Variants in TESK2 observed in about 807,000 individuals in gnomAD.
TESK2 encodes dual specificity testis-specific protein kinase 2.
TESK2 carries 39 observed loss-of-function variants against 57.1 expected under a neutral mutation model. The ratio of observed to expected loss-of-function variants is 0.68; its 90% CI spans 0.53 to 0.89. TESK2 has a LOEUF of 0.89. TESK2 is among the 40% of genes least tolerant of loss of function. The pLI is 0.00. For synonymous variants in TESK2, 249 were observed against 267.9 expected, an observed-to-expected ratio of 0.93 and a Z score of 0.69; for missense variants, 646 against 732.1, an observed-to-expected ratio of 0.88 and a Z score of 1.36.
chr1:45,388,769 G>A (rs1649012636), intron 3 of TESK2, among the ~76,000 whole-genome samples: 1 of 131,972 alleles, frequency 7.6e-6, no homozygotes, highest in Admixed American at 9.8e-5. Flanking sequence ...TGCCCAGGCT[G>A]GAGTGCAGTG....
At chr1:45,490,784 G>A (rs1653687560) in intron 1 of TESK2, 68 bp downstream of exon 1, 1 of 152,730 alleles carries the variant, frequency 6.5e-6, no homozygotes, top group South Asian at 2.1e-4. Context: ...CAGAGGAGGT[G>A]GAGCGGCAGC....
At chr1:45,354,398 C>T (rs1314021693) in intron 5 of TESK2, among the ~76,000 whole-genome samples, 9 of 151,548 alleles carry the variant, frequency 5.9e-5, no homozygotes, top group Admixed American at 3.3e-4. Flanking sequence ...GGCCAAGGCA[C>T]GTGGATCACC....
At chr1:45,364,937 T>C (rs1246331117) in intron 4 of TESK2, among the ~76,000 whole-genome samples, 1 of 152,216 alleles carries the variant, frequency 6.6e-6, no homozygotes, top group Non-Finnish European at 1.5e-5. Context: ...AACAGCCAAA[T>C]TAGTGGCTTG....
chr1:45,419,805 TC>T (rs1433339103), intron 3 of TESK2, among the ~76,000 whole-genome samples: 1 of 151,716 alleles, frequency 6.6e-6, no homozygotes, highest in Non-Finnish European at 1.5e-5. Context: ...AAACTCCGTC[TC>T]AAAAAAAAAG....
chr1:45,418,641 T>G (rs540696211), intron 3 of TESK2, among the ~76,000 whole-genome samples: 21 of 152,280 alleles, frequency 1.4e-4, no homozygotes, highest in African/African-American at 4.8e-4. Flanking sequence ...GATGAAATCT[T>G]TAAATAAGTA....
chr1:45,361,947 G>A (rs1647706479), intron 4 of TESK2, among the ~76,000 whole-genome samples: 1 of 152,106 alleles, frequency 6.6e-6, no homozygotes, highest in Non-Finnish European at 1.5e-5. Context: ...AGACCAGCCT[G>A]GGCAACATAG....
intron 4 of TESK2, among the ~76,000 whole-genome samples, chr1:45,360,114 G>C (rs145762925): frequency 1.2e-4 from 19 of 152,150 alleles, no homozygotes; most frequent in Non-Finnish European, 2.1e-4. Context: ...ATCCATCTTT[G>C]AAAATCTTAA....
chr1:45,467,677 G>A (rs1652609771), intron 1 of TESK2, among the ~76,000 whole-genome samples: 1 of 151,548 alleles, frequency 6.6e-6, no homozygotes, highest in South Asian at 2.1e-4. Flanking sequence ...CAACAGCTAT[G>A]TAGCATGCTT....
At chr1:45,463,566 G>A (rs916730784) in intron 1 of TESK2, among the ~76,000 whole-genome samples, 2 of 151,922 alleles carry the variant, frequency 1.3e-5, no homozygotes, top group African/African-American at 4.8e-5. Flanking sequence ...TGTTCCATCA[G>A]TCTGTGTGTC....
chr1:45,358,843 G>T (rs2149266378), intron 4 of TESK2, among the ~76,000 whole-genome samples: 1 of 152,318 alleles, frequency 6.6e-6, no homozygotes, highest in South Asian at 2.1e-4. Context: ...GGCAGACTCT[G>T]CAGTCTGGCT....
chr1:45,484,959 A>G (rs1557592094), intron 1 of TESK2, among the ~76,000 whole-genome samples: 1 of 151,488 alleles, frequency 6.6e-6, no homozygotes, highest in African/African-American at 2.4e-5. Flanking sequence ...TGAACCCGGG[A>G]GGCGGAGCTT....
intron 3 of TESK2, among the ~76,000 whole-genome samples, chr1:45,395,901 T>A (rs1038553790): frequency 6.6e-6 from 1 of 152,188 alleles, no homozygotes. Context: ...TATGACAATA[T>A]ATAAACGCTT....
chr1:45,356,605 C>G (rs375320234), intron 4 of TESK2, among the ~76,000 whole-genome samples: 1 of 132,850 alleles, frequency 7.5e-6, no homozygotes, highest in Non-Finnish European at 1.6e-5. Flanking sequence ...ATAGACAGAG[C>G]GAGACCCTGT....
intron 3 of TESK2, among the ~76,000 whole-genome samples, chr1:45,419,870 T>C (rs997103549): frequency 2.6e-5 from 4 of 152,210 alleles, no homozygotes; most frequent in African/African-American, 7.2e-5. Flanking sequence ...AAATACTGGC[T>C]GAATATTTTT....
At chr1:45,437,087 G>A (rs570380769) in intron 2 of TESK2, among the ~76,000 whole-genome samples, 4 of 152,258 alleles carry the variant, frequency 2.6e-5, no homozygotes, top group East Asian at 3.9e-4. Flanking sequence ...GAGCCGCTGC[G>A]CCTGACCCAA....
At chr1:45,400,878 C>T (rs774590939) in intron 3 of TESK2, among the ~76,000 whole-genome samples, 1 of 150,728 alleles carries the variant, frequency 6.6e-6, no homozygotes, top group Non-Finnish European at 1.5e-5. Context: ...AAAAATTAAC[C>T]GGATGTGGTG....
rs567482286 is a variant in TESK2 at position 45,346,276 on chromosome 1, T to C, written c.880-282A>G. ...GTTCTTGAGTTCTGCTCCTAATGTG[T>C]TTCTGGGAGGTATCTGAACAAAGCC... is the stretch of plus-strand genomic sequence containing the variant. On this transcript the variant is annotated intron_variant, in intron 9 of 10. Transcript: ENST00000372086. Among the ~76,000 whole-genome samples the C allele has an allele frequency of 6.6e-5, 10 of 152,324 alleles. No homozygotes were observed. The East Asian group carries it at 1.9e-3, about 29-fold the overall frequency.
chr1:45,405,296 G>A (rs1649794174), intron 3 of TESK2, among the ~76,000 whole-genome samples: 1 of 151,996 alleles, frequency 6.6e-6, no homozygotes, highest in Admixed American at 6.6e-5. Context: ...TCCCCACAAT[G>A]TCTCCCCAGC....
chr1:45,373,703 C>T (rs902841193), intron 4 of TESK2, among the ~76,000 whole-genome samples: 1 of 152,220 alleles, frequency 6.6e-6, no homozygotes, highest in East Asian at 1.9e-4. Context: ...ATTATCTAAG[C>T]AAATAATGGT....
Sources: gnomAD v4.1 joint callset for allele counts (sites outside exome capture counted in the v4.1 genomes callset) on GRCh38, gnomAD v4.1.1 for gene constraint, MANE v1.5 for transcripts, NCBI Gene and HGNC (gene_info 2026-07-23, HGNC 2026-07-21) for gene names.